The following OPCML variants were observed in gnomAD, a reference collection of about 807,000 sequenced individuals.
OPCML encodes the protein opioid-binding protein/cell adhesion molecule.
In OPCML, 13 loss-of-function variants were observed where a neutral mutation model predicts 37.8. The ratio of observed to expected loss-of-function variants is 0.34; its 90% CI spans 0.22 to 0.55. OPCML has a LOEUF of 0.55. Ranked by LOEUF, OPCML falls within the 20% of genes least tolerant of loss-of-function variation. The probability of loss-of-function intolerance (pLI) is 0.91; values close to 1 mark genes in which losing one functional copy is unlikely to be tolerated. For synonymous variants in OPCML, 176 were observed against 168.8 expected (o/e 1.04, Z -0.33); for missense variants, 341 against 435.6 (o/e 0.78, Z 1.93).
At chr11:132,462,056 G>A (rs1250638669) in intron 4 of OPCML, among the ~76,000 whole-genome samples, 1 of 152,142 alleles carries the variant, frequency 6.6e-6, no homozygotes, top group Non-Finnish European at 1.5e-5. Flanking sequence ...TGTACTACTT[G>A]CAATTTTTTG....
intron 2 of OPCML, among the ~76,000 whole-genome samples, chr11:132,812,023 T>C (rs959900777): frequency 6.6e-6 from 1 of 152,216 alleles, no homozygotes; most frequent in African/African-American, 2.4e-5. Flanking sequence ...GCTTGCAGCA[T>C]AAAATACCTG....
At chr11:133,272,262 A>AG (rs1378968723) in intron 1 of OPCML, among the ~76,000 whole-genome samples, 1 of 151,942 alleles carries the variant, frequency 6.6e-6, no homozygotes, top group Non-Finnish European at 1.5e-5. Flanking sequence ...TAAAAAAAAA[A>AG]AAAAAAAGAA....
chr11:133,276,966 G>A (rs1404098216), intron 1 of OPCML, among the ~76,000 whole-genome samples: 2 of 152,232 alleles, frequency 1.3e-5, no homozygotes, highest in East Asian at 1.9e-4. Flanking sequence ...GTTTATAGAT[G>A]GATAAATACA....
intron 3 of OPCML, among the ~76,000 whole-genome samples, chr11:132,553,816 A>C (rs1199580275): frequency 6.6e-6 from 1 of 152,130 alleles, no homozygotes; most frequent in Admixed American, 6.5e-5. Context: ...TCCCTTCCCA[A>C]ACTCTGCCAA....
At chr11:132,718,439 C>T (rs1436993607) in intron 2 of OPCML, among the ~76,000 whole-genome samples, 2 of 152,288 alleles carry the variant, frequency 1.3e-5, no homozygotes, top group East Asian at 3.9e-4. Flanking sequence ...GTGTGTGTTG[C>T]ACGGTCATGT....
chr11:132,720,851 T>A (rs995151675), intron 2 of OPCML, among the ~76,000 whole-genome samples: 1 of 152,218 alleles, frequency 6.6e-6, no homozygotes, highest in Non-Finnish European at 1.5e-5. Flanking sequence ...GACTATTTCA[T>A]AACTACAATT....
intron 4 of OPCML, among the ~76,000 whole-genome samples, chr11:132,490,688 G>A (rs558823054): frequency 3.0e-4 from 45 of 152,028 alleles, no homozygotes; most frequent in African/African-American, 8.9e-4. Context: ...GTGTGGTGGC[G>A]GGCGCCTGTG....
intron 4 of OPCML, among the ~76,000 whole-genome samples, chr11:132,449,441 G>A (rs2096063279): frequency 6.6e-6 from 1 of 152,088 alleles, no homozygotes; most frequent in Admixed American, 6.5e-5. Flanking sequence ...ATGCGTCTGA[G>A]GGTACACTTC....
chr11:132,809,924 A>T (rs898430233), intron 2 of OPCML, among the ~76,000 whole-genome samples: 3 of 152,120 alleles, frequency 2.0e-5, no homozygotes, highest in Non-Finnish European at 2.9e-5. Flanking sequence ...ATCTCGGCTC[A>T]CTGCAGGCTC....
rs1180663901 is a variant in OPCML, at chr11:132,418,025, C to A, written c.*2168G>T. 1 of 152,162 alleles carries A rather than the reference C, an allele frequency of 6.6e-6. No individual in the cohort carries two copies. Among genetic ancestry groups the A allele is most frequent in the Non-Finnish European group, 1.5e-5 (1 of 68,048 alleles). 9.4% of individuals were successfully genotyped at this position (152,162 alleles called of 1,614,324 possible). ...AAGACAGTGCTTAGCATTTAGTGTGCCAAGATAGCCTATGTTTGTATGTAT... is the reference window on the plus strand; with the variant it reads ...AAGACAGTGCTTAGCATTTAGTGTGACAAGATAGCCTATGTTTGTATGTAT... On this transcript the variant is annotated 3_prime_UTR_variant, in exon 8 of 8. Transcript: ENST00000524381.
chr11:132,628,701 G>T (rs1394332659), intron 3 of OPCML, among the ~76,000 whole-genome samples: 1 of 152,098 alleles, frequency 6.6e-6, no homozygotes, highest in African/African-American at 2.4e-5. Flanking sequence ...ATCTTGAATT[G>T]TAGTTCTCAT....
intron 4 of OPCML, among the ~76,000 whole-genome samples, chr11:132,514,132 T>C (rs1591488825): frequency 1.3e-5 from 2 of 152,354 alleles, no homozygotes; most frequent in Admixed American, 1.3e-4. Context: ...TTTGTCTGCC[T>C]TTTGACAGAA....
intron 4 of OPCML, among the ~76,000 whole-genome samples, chr11:132,484,924 G>A (rs1437418284): frequency 6.6e-6 from 1 of 152,218 alleles, no homozygotes; most frequent in Non-Finnish European, 1.5e-5. Context: ...GTTGTGGGGT[G>A]CGAGGAGGGC....
chr11:132,435,619 C>T (rs1301271337), intron 7 of OPCML, among the ~76,000 whole-genome samples: 3 of 152,162 alleles, frequency 2.0e-5, no homozygotes, highest in Non-Finnish European at 4.4e-5. Flanking sequence ...AGAGCAGCCA[C>T]CTGATAAGGT....
intron 1 of OPCML, among the ~76,000 whole-genome samples, chr11:133,088,093 T>TG (rs1948843880): frequency 2.0e-5 from 3 of 152,210 alleles, no homozygotes; most frequent in Admixed American, 1.3e-4. Flanking sequence ...TGAAAAGTCT[T>TG]ATATTAATGT....
chr11:133,391,065 C>T (rs1945164139), intron 1 of OPCML, among the ~76,000 whole-genome samples: 1 of 152,118 alleles, frequency 6.6e-6, no homozygotes, highest in East Asian at 1.9e-4. Context: ...CCCACCTGCA[C>T]GACTCAGCGG....
At chr11:133,509,186 G>A (rs1428966259) in intron 1 of OPCML, among the ~76,000 whole-genome samples, 2 of 152,026 alleles carry the variant, frequency 1.3e-5, no homozygotes, top group African/African-American at 4.8e-5. Context: ...TTAAGGCCCG[G>A]ATGCATTAGC....
At chr11:133,005,830 C>T in intron 1 of OPCML, 1 of 985,358 alleles carries the variant, frequency 1.0e-6, no homozygotes, top group South Asian at 4.7e-5. Context: ...GGGAAAGAGG[C>T]TGCTCTTTGC....
intron 2 of OPCML, among the ~76,000 whole-genome samples, chr11:132,766,219 G>A (rs551985969): frequency 2.0e-4 from 30 of 152,210 alleles, no homozygotes; most frequent in African/African-American, 6.7e-4. Flanking sequence ...TCATGCATCC[G>A]TACCAGTGAC....
Sources: gnomAD v4.1 joint callset for allele counts (sites outside exome capture counted in the v4.1 genomes callset) on GRCh38, gnomAD v4.1.1 for gene constraint, MANE v1.5 for transcripts, NCBI Gene and HGNC (gene_info 2026-07-23, HGNC 2026-07-21) for gene names.